The following PTK7 variants were observed in gnomAD, a reference collection of about 807,000 sequenced individuals.
The protein encoded by PTK7 is inactive tyrosine-protein kinase 7.
In PTK7, 39 loss-of-function variants were observed where a neutral mutation model predicts 116.6. The observed-to-expected ratio is 0.33, with a 90% CI of 0.26 to 0.44. PTK7 has a LOEUF of 0.44. Among genes scored for constraint, PTK7 ranks in the 20% least tolerant of loss-of-function variants. The probability of loss-of-function intolerance (pLI) is 1.00; values close to 1 mark genes in which losing one functional copy is unlikely to be tolerated. For synonymous variants in PTK7, 546 were observed against 563.6 expected, an observed-to-expected ratio of 0.97 and a Z score of 0.44; for missense variants, 1,169 against 1,425.6, an observed-to-expected ratio of 0.82 and a Z score of 2.90.
rs897041531 is a variant in PTK7, at chr6:43,132,966, C to T, written c.1228+279C>T. On this transcript the variant is annotated intron_variant, in intron 7 of 19. Coordinates refer to ENST00000230419, the MANE Select transcript of PTK7 (RefSeq NM_002821.5). ...AGACTAGGAATCTAGAGACCTGGGT[C>T]CCACTATGCTCCCAATGCACAGAGT... is the stretch of plus-strand genomic sequence containing the variant. 6.9e-6 allele frequency: 4 copies of T among 575,994 alleles called. No individual in the cohort carries two copies. In the African/African-American group the frequency reaches 7.5e-5, roughly 11 times the overall value. 35.7% of individuals were successfully genotyped at this position (575,994 alleles called of 1,614,324 possible). A position where few individuals can be genotyped will look rare whatever the true frequency, so the allele number is the denominator to read the frequency against.
intron 1 of PTK7, among the ~76,000 whole-genome samples, chr6:43,116,602 GT>G (rs148172781): frequency 9.8e-4 from 122 of 124,694 alleles, no homozygotes; most frequent in African/African-American, 3.8e-3. Flanking sequence ...GGAAAAGCTG[GT>G]TTGTGTGTGT....
chr6:43,160,596 C>G lies in PTK7; in HGVS notation c.3053-125C>G, dbSNP rs1408916816. 1.2e-5 allele frequency: 15 copies of G among 1,253,788 alleles called. No individual in the cohort carries two copies. In the East Asian group the frequency reaches 3.3e-4, roughly 28 times the overall value. The allele number at this position is 1,253,788 out of a possible 1,614,324, so 77.7% of individuals were successfully genotyped here. A position where few individuals can be genotyped will look rare whatever the true frequency, so the allele number is the denominator to read the frequency against. Reference sequence around the variant, plus strand: ...TTTTTCCGTTGCGGGTACCCACCTGCCGCTGGCCAGCATTGCCCCAGAGGC... The same window carrying G: ...TTTTTCCGTTGCGGGTACCCACCTGGCGCTGGCCAGCATTGCCCCAGAGGC... On this transcript the variant is annotated intron_variant, in intron 19 of 19. Coordinates refer to ENST00000230419, the MANE Select transcript of PTK7 (RefSeq NM_002821.5).
rs572817026 is a variant in PTK7, at chr6:43,107,158, A to T, written c.80-21819A>T. 7.2e-5 allele frequency among the ~76,000 whole-genome samples: 11 copies of T among 152,006 alleles called. No individual in the cohort carries two copies. The South Asian group carries it at 2.3e-3, about 32-fold the overall frequency. On this transcript the variant is annotated intron_variant, in intron 1 of 19. Coordinates refer to ENST00000230419, the MANE Select transcript of PTK7 (RefSeq NM_002821.5). ...GACTGGTCTCGAACTCCTGACCTCAAGGTGATCTGCCATCCTCGACCTCCC... is the reference window on the plus strand; with the variant it reads ...GACTGGTCTCGAACTCCTGACCTCATGGTGATCTGCCATCCTCGACCTCCC...
intron 1 of PTK7, among the ~76,000 whole-genome samples, chr6:43,116,915 C>T (rs1768585826): frequency 6.6e-6 from 1 of 152,134 alleles, no homozygotes. Context: ...CCTCCATCTC[C>T]TGGGTTCAAG....
At chr6:43,131,484 G>A (rs1769679164) in intron 5 of PTK7, among the ~76,000 whole-genome samples, 1 of 152,212 alleles carries the variant, frequency 6.6e-6, no homozygotes, top group East Asian at 1.9e-4. Context: ...GGCTGGGCAA[G>A]CCTCACAATC....
chr6:43,146,978 C>T (rs768739272), intron 17 of PTK7, among the ~76,000 whole-genome samples: 1 of 152,250 alleles, frequency 6.6e-6, no homozygotes. Flanking sequence ...AAGAGCTACC[C>T]TCGGACCTTG....
intron 1 of PTK7, among the ~76,000 whole-genome samples, chr6:43,112,432 GTC>G (rs545677706): frequency 3.6e-4 from 54 of 151,774 alleles, no homozygotes; most frequent in Non-Finnish European, 6.3e-4. Flanking sequence ...CTCTGTCTGT[GTC>G]TCTGCGTGTT....
chr6:43,082,614 T>C (rs1766440756), intron 1 of PTK7, among the ~76,000 whole-genome samples: 1 of 152,236 alleles, frequency 6.6e-6, no homozygotes, highest in South Asian at 2.1e-4. Context: ...GGAGCTGAGA[T>C]GCTGCACAGT....
At chr6:43,147,255 T>G (rs1478613559) in intron 17 of PTK7, among the ~76,000 whole-genome samples, 1 of 152,228 alleles carries the variant, frequency 6.6e-6, no homozygotes, top group African/African-American at 2.4e-5. Flanking sequence ...GCGCAGAGGT[T>G]GTTCTGGGCA....
chr6:43,077,353 T>C (rs1039940474), intron 1 of PTK7, among the ~76,000 whole-genome samples: 2 of 152,208 alleles, frequency 1.3e-5, no homozygotes, highest in Non-Finnish European at 2.9e-5. Context: ...ATTTCCATCC[T>C]GACTGTCCTC....
chr6:43,139,221 G>A lies in PTK7; in HGVS notation c.1448G>A (p.Ser483Asn). 6.2e-7 allele frequency: 1 copy of A among 1,614,262 alleles called. No individual in the cohort carries two copies. Among genetic ancestry groups the A allele is most frequent in the Non-Finnish European group, 8.5e-7 (1 of 1,180,046 alleles). ...GATGGGACATGGTACCGTTGTATGAGCAGCACCCCAGCCGGCAGCATCGAG... is the reference window on the plus strand; with the variant it reads ...GATGGGACATGGTACCGTTGTATGAACAGCACCCCAGCCGGCAGCATCGAG... ...VYDGTWYRCM[S>N]STPAGSIEAQ... The change falls in exon 9 of 20, where the codon AGC becomes AAC. Residue 483 changes from serine to asparagine, a missense_variant. Transcript: ENST00000230419. The surrounding 1 kb of genome is among the most constrained non-coding windows in gnomAD (Gnocchi z 4.6).
At chr6:43,091,784 G>A (rs1165090692) in intron 1 of PTK7, among the ~76,000 whole-genome samples, 4 of 152,240 alleles carry the variant, frequency 2.6e-5, no homozygotes, top group Middle Eastern at 3.4e-3. Flanking sequence ...ACTCCATCCC[G>A]CCCAGGACAT....
intron 7 of PTK7, among the ~76,000 whole-genome samples, chr6:43,137,999 G>T (rs1161433012): frequency 1.3e-5 from 2 of 151,906 alleles, no homozygotes; most frequent in African/African-American, 4.8e-5. Context: ...AGTAGAGACG[G>T]GGTTTCACTA....
chr6:43,149,059 CAAAAA>C (rs59033917), intron 17 of PTK7, among the ~76,000 whole-genome samples: 2 of 69,834 alleles, frequency 2.9e-5, no homozygotes, highest in Non-Finnish European at 2.7e-5. Context: ...GACTTTGTCT[CAAAAA>C]AAAAAAAAAA....
chr6:43,080,306 T>A (rs1238116124), intron 1 of PTK7, among the ~76,000 whole-genome samples: 1 of 151,888 alleles, frequency 6.6e-6, no homozygotes, highest in Non-Finnish European at 1.5e-5. Flanking sequence ...GAGCCGAGAT[T>A]GCACCACTGC....
chr6:43,100,386 A>G (rs1391039764), intron 1 of PTK7, among the ~76,000 whole-genome samples: 10 of 150,218 alleles, frequency 6.7e-5, no homozygotes, highest in Non-Finnish European at 1.3e-4. Context: ...CCATCTCAAA[A>G]AAAAAAAAAA....
At chr6:43,099,340 C>A (rs926832612) in intron 1 of PTK7, among the ~76,000 whole-genome samples, 5 of 151,728 alleles carry the variant, frequency 3.3e-5, no homozygotes, top group Non-Finnish European at 7.4e-5. Context: ...TCAAGCAATC[C>A]TCCCACCTCA....
At chr6:43,123,316 G>C (rs944899835) in intron 1 of PTK7, among the ~76,000 whole-genome samples, 4 of 152,180 alleles carry the variant, frequency 2.6e-5, no homozygotes, top group Non-Finnish European at 1.5e-5. Flanking sequence ...GTGATGTGTG[G>C]CAGATTCTGA....
chr6:43,115,474 G>A (rs1768453713), intron 1 of PTK7, among the ~76,000 whole-genome samples: 1 of 152,092 alleles, frequency 6.6e-6, no homozygotes, highest in South Asian at 2.1e-4. Flanking sequence ...ACACTGGGCT[G>A]GCTCCAGTAC....
Sources: allele counts gnomAD v4.1 joint callset (sites outside exome capture counted in the v4.1 genomes callset), GRCh38; gene constraint gnomAD v4.1.1; non-coding constraint Gnocchi (gnomAD v3.1); transcripts MANE v1.5; gene names NCBI Gene and HGNC (gene_info 2026-07-23, HGNC 2026-07-21).